The following PTPRM variants were observed in gnomAD, a reference collection of about 807,000 sequenced individuals.
The protein encoded by PTPRM is receptor-type tyrosine-protein phosphatase mu.
In PTPRM, 47 loss-of-function variants were observed where a neutral mutation model predicts 186.7. The observed-to-expected ratio is 0.25, with a 90% CI of 0.20 to 0.32. The LOEUF is 0.32. Ranked by LOEUF, PTPRM falls within the 10% of genes least tolerant of loss-of-function variation. The probability of loss-of-function intolerance (pLI) is 1.00; values close to 1 mark genes in which losing one functional copy is unlikely to be tolerated. For synonymous variants in PTPRM, 668 were observed against 674.9 expected, an observed-to-expected ratio of 0.99 and a Z score of 0.16; for missense variants, 1,494 against 1,865.0, an observed-to-expected ratio of 0.80 and a Z score of 3.66.
chr18:7,606,870 G>A (rs1212174343), intron 1 of PTPRM, among the ~76,000 whole-genome samples: 1 of 152,110 alleles, frequency 6.6e-6, no homozygotes, highest in Non-Finnish European at 1.5e-5. Flanking sequence ...TCAGGTCCCT[G>A]AATTCCCCAA....
chr18:7,620,842 G>A (rs931593511), intron 1 of PTPRM, among the ~76,000 whole-genome samples: 6 of 152,042 alleles, frequency 3.9e-5, no homozygotes, highest in African/African-American at 1.2e-4. Flanking sequence ...AGTAATATTT[G>A]AACCTATCAA....
intron 7 of PTPRM, among the ~76,000 whole-genome samples, chr18:8,033,807 A>C (rs2086153504): frequency 6.6e-6 from 1 of 152,206 alleles, no homozygotes; most frequent in Admixed American, 6.5e-5. Flanking sequence ...CTAACTTCCT[A>C]ACATGAACTT....
intron 23 of PTPRM, among the ~76,000 whole-genome samples, chr18:8,369,591 C>A (rs2095651901): frequency 6.6e-6 from 1 of 152,148 alleles, no homozygotes; most frequent in Non-Finnish European, 1.5e-5. Flanking sequence ...AAAGAATTCT[C>A]TTTTAGACTT....
At chr18:7,865,426 GC>G (rs1567937424) in intron 2 of PTPRM, among the ~76,000 whole-genome samples, 1 of 152,132 alleles carries the variant, frequency 6.6e-6, no homozygotes, top group African/African-American at 2.4e-5. Context: ...GGCCTTTACT[GC>G]ATCTATTGAA....
chr18:7,765,313 T>C (rs1298069813), intron 1 of PTPRM, among the ~76,000 whole-genome samples: 1 of 152,204 alleles, frequency 6.6e-6, no homozygotes, highest in Non-Finnish European at 1.5e-5. Flanking sequence ...CTTCTTATAA[T>C]AGAGCATAGC....
chr18:7,586,331 T>A (rs544016737), intron 1 of PTPRM, among the ~76,000 whole-genome samples: 2 of 152,120 alleles, frequency 1.3e-5, no homozygotes, highest in Non-Finnish European at 2.9e-5. Flanking sequence ...GTATTGTAAG[T>A]GCACTGGCAA....
intron 1 of PTPRM, among the ~76,000 whole-genome samples, chr18:7,626,040 G>A (rs1301982960): frequency 6.6e-6 from 1 of 152,152 alleles, no homozygotes; most frequent in Non-Finnish European, 1.5e-5. Context: ...ACTTCCTACT[G>A]TGAGGCTAAA....
At chr18:7,930,377 A>G (rs1471085906) in intron 5 of PTPRM, among the ~76,000 whole-genome samples, 1 of 152,086 alleles carries the variant, frequency 6.6e-6, no homozygotes, top group African/African-American at 2.4e-5. Context: ...ACCTATTTAC[A>G]ATAATTTTTA....
intron 1 of PTPRM, among the ~76,000 whole-genome samples, chr18:7,649,327 C>T (rs945650978): frequency 6.6e-6 from 1 of 152,210 alleles, no homozygotes; most frequent in African/African-American, 2.4e-5. Flanking sequence ...GCTAACACAG[C>T]ATCCATTTTG....
At chr18:8,294,213 C>A (rs565360260) in intron 19 of PTPRM, among the ~76,000 whole-genome samples, 1 of 152,284 alleles carries the variant, frequency 6.6e-6, no homozygotes, top group South Asian at 2.1e-4. Flanking sequence ...GATCGTGCCA[C>A]TGCACTCTAG....
chr18:7,641,928 C>T (rs1024080846), intron 1 of PTPRM, among the ~76,000 whole-genome samples: 31 of 152,198 alleles, frequency 2.0e-4, no homozygotes, highest in Middle Eastern at 6.8e-3. Context: ...AAGGCGAATC[C>T]AGGTCAGAAT....
intron 7 of PTPRM, among the ~76,000 whole-genome samples, chr18:8,064,340 G>A (rs1466982551): frequency 6.6e-6 from 1 of 151,656 alleles, no homozygotes; most frequent in South Asian, 2.1e-4. Context: ...GTAGACTTTG[G>A]CATTGTTACA....
Position 7,816,228 on chromosome 18 carries a change from G to A in PTPRM, c.196+41957G>A, listed in dbSNP as rs548015969. Among the ~76,000 whole-genome samples, 281 of 152,276 alleles carry A rather than the reference G, an allele frequency of 1.8e-3. 2 individuals are homozygous for A. The highest frequency in any genetic ancestry group is 6.5e-3 in the African/African-American group (271 of 41,550). Reference sequence around the variant, plus strand: ...TGGAAACTTGTGTTCTGCTGGTTAAGGACTATTTCTCTGTTGTGGTAATCC... The same window carrying A: ...TGGAAACTTGTGTTCTGCTGGTTAAAGACTATTTCTCTGTTGTGGTAATCC... On this transcript the variant is annotated intron_variant, in intron 2 of 32. Transcript: ENST00000580170.
At chr18:8,315,615 C>T (rs909119251) in intron 21 of PTPRM, among the ~76,000 whole-genome samples, 6 of 152,256 alleles carry the variant, frequency 3.9e-5, no homozygotes, top group Admixed American at 2.0e-4. Context: ...CTTGTGGTTC[C>T]GAAGGCATAC....
intron 1 of PTPRM, chr18:7,755,199 TATC>T (rs2144673285): frequency 6.6e-6 from 1 of 151,378 alleles, no homozygotes; most frequent in African/African-American, 2.4e-5. Flanking sequence ...GGGGTAGAAT[TATC>T]ATTAAAAACA....
At chr18:8,398,793 A>T (rs1416192377) in intron 32 of PTPRM, among the ~76,000 whole-genome samples, 1 of 151,666 alleles carries the variant, frequency 6.6e-6, no homozygotes, top group Non-Finnish European at 1.5e-5. Flanking sequence ...AAAACTATTA[A>T]TTCAGTCACA....
Position 8,253,244 on chromosome 18 carries a change from G to T in PTPRM, c.2584G>T (p.Ala862Ser), listed in dbSNP as rs761957128. Reference protein sequence around the residue: ...VPINDETHTMASDTSSLVQSH... With the variant: ...VPINDETHTMSSDTSSLVQSH... ...TTTCCTAGATGAAACCCACACAATGGCCAGCGATACCAGCAGCCTGGTGCA... is the reference window on the plus strand; with the variant it reads ...TTTCCTAGATGAAACCCACACAATGTCCAGCGATACCAGCAGCCTGGTGCA... Residue 862 changes from alanine (A) to serine (S), a missense_variant, in exon 19 of 33, where the codon GCC becomes TCC. Coordinates refer to ENST00000580170, the MANE Select transcript of PTPRM (RefSeq NM_001105244.2). 5.3e-6 allele frequency: 8 copies of T among 1,521,340 alleles called. No individual in the cohort carries two copies. The highest frequency in any genetic ancestry group is 1.7e-4 in the Middle Eastern group (1 of 5,746). 94.2% of individuals were successfully genotyped at this position (1,521,340 alleles called of 1,614,324 possible).
intron 14 of PTPRM, among the ~76,000 whole-genome samples, chr18:8,148,218 G>A (rs2092927930): frequency 6.6e-6 from 1 of 152,098 alleles, no homozygotes; most frequent in South Asian, 2.1e-4. Flanking sequence ...GTTTGAGAAG[G>A]CATGGTACCA....
In PTPRM at chr18:8,024,939, C is replaced by T. The variant is rs139311552; in HGVS notation, c.1133-44747C>T. Among the ~76,000 whole-genome samples, 1,481 of 152,130 alleles carry T rather than the reference C, an allele frequency of 9.7e-3. 25 individuals carry two copies. Among genetic ancestry groups the T allele is most frequent in the African/African-American group, 0.033 (1,388 of 41,484 alleles). Reference sequence around the variant, plus strand: ...ACTCAACCCATCCTCCTGCTTTGGCCTCAAGTGATCCTCCTGCCTTGGCCT... The same window carrying T: ...ACTCAACCCATCCTCCTGCTTTGGCTTCAAGTGATCCTCCTGCCTTGGCCT... On this transcript the variant is annotated intron_variant, in intron 7 of 32. Transcript: ENST00000580170.
Sources: gnomAD v4.1 joint callset for allele counts (sites outside exome capture counted in the v4.1 genomes callset) on GRCh38, gnomAD v4.1.1 for gene constraint, MANE v1.5 for transcripts, NCBI Gene and HGNC (gene_info 2026-07-23, HGNC 2026-07-21) for gene names.